Variants in GTF2IRD1 observed in about 807,000 individuals in gnomAD.
The protein encoded by GTF2IRD1 is GTF2I repeat domain containing 1.
In GTF2IRD1, 26 loss-of-function variants were observed where a neutral mutation model predicts 113.2. The ratio of observed to expected loss-of-function variants is 0.23; its 90% confidence interval spans 0.17 to 0.32. The LOEUF (loss-of-function observed/expected upper bound fraction) is 0.32, where lower values mean the gene tolerates loss of function less well. Ranked by LOEUF, GTF2IRD1 falls within the 10% of genes least tolerant of loss-of-function variation. The pLI, the probability that GTF2IRD1 is intolerant of heterozygous loss-of-function variation, is 1.00. For missense variants in GTF2IRD1, 864 were observed against 1,280.8 expected, an observed-to-expected ratio of 0.67 and a Z score of 4.97; for synonymous variants, 484 against 529.1, an observed-to-expected ratio of 0.91 and a Z score of 1.17.
chr7:74,572,129 G>A (rs1800731361), intron 22 of GTF2IRD1, among the ~76,000 whole-genome samples: 1 of 152,166 alleles, frequency 6.6e-6, no homozygotes, highest in Non-Finnish European at 1.5e-5. Flanking sequence ...GGGTGCTATG[G>A]TGGGATGGGC....
intron 22 of GTF2IRD1, among the ~76,000 whole-genome samples, chr7:74,568,733 C>G (rs1554361654): frequency 6.6e-6 from 1 of 152,172 alleles, no homozygotes; most frequent in African/African-American, 2.4e-5. Context: ...TCCTCTCTGC[C>G]TGCTCCTTCT....
chr7:74,515,350 G>T, intron 3 of GTF2IRD1, 91 bp from the exon 4 acceptor site: 1 of 1,536,786 alleles, frequency 6.5e-7, no homozygotes, highest in Non-Finnish European at 8.7e-7. Flanking sequence ...GCCAGTCTCC[G>T]CAGCTCAGCA....
chr7:74,488,699 G>C (rs554084058), intron 1 of GTF2IRD1, among the ~76,000 whole-genome samples: 1 of 152,156 alleles, frequency 6.6e-6, no homozygotes, highest in Admixed American at 6.5e-5. Context: ...GATCAAGATC[G>C]AGGCTGTAGT....
chr7:74,497,871 AT>A (rs1554338497), intron 1 of GTF2IRD1, among the ~76,000 whole-genome samples: 1 of 151,910 alleles, frequency 6.6e-6, no homozygotes, highest in Non-Finnish European at 1.5e-5. Flanking sequence ...TGCCCGGCTA[AT>A]TTTTGTAATT....
chr7:74,504,206 G>A (rs1554340367), intron 1 of GTF2IRD1, among the ~76,000 whole-genome samples: 1 of 152,084 alleles, frequency 6.6e-6, no homozygotes, highest in Non-Finnish European at 1.5e-5. Flanking sequence ...TGTGAATACT[G>A]CTGCTCTGAA....
Position 74,555,155 on chromosome 7 carries a change from C to G in GTF2IRD1, c.1917-19C>G. The G allele has an allele frequency of 6.2e-7, 1 of 1,612,204 alleles. No homozygotes were observed. Among genetic ancestry groups the G allele is most frequent in the South Asian group, 1.1e-5 (1 of 90,836 alleles). ...ATGCTTGGAGGGACCTCTGTGATAG[C>G]CTCGCTTGTGTTTTCCAGGCCCGAG... is the stretch of plus-strand genomic sequence containing the variant. On this transcript the variant is annotated intron_variant, in intron 17 of 26. Coordinates refer to ENST00000424337, the MANE Select transcript of GTF2IRD1 (RefSeq NM_005685.4). The surrounding 1 kb of genome is among the most constrained non-coding windows in gnomAD (Gnocchi z 5.3).
chr7:74,467,604 G>A (rs545504976), intron 1 of GTF2IRD1, among the ~76,000 whole-genome samples: 1 of 152,232 alleles, frequency 6.6e-6, no homozygotes, highest in East Asian at 1.9e-4. Flanking sequence ...AGGTTCAAGC[G>A]ATTTGCCTGC....
Position 74,546,978 on chromosome 7 carries a change from G to A in GTF2IRD1, c.1733-125G>A, listed in dbSNP as rs587699333. ...GGGGGGCCACTCTTTCCACATCCCA[G>A]GAAAGCTGGCAGGCCCTCAAAAGGG... On this transcript the variant is annotated intron_variant, in intron 16 of 26. Transcript: ENST00000424337. The A allele has an allele frequency of 1.5e-4, 123 of 822,336 alleles. No homozygotes were observed. In the East Asian group the frequency reaches 2.9e-3, roughly 20 times the overall value. The allele number at this position is 822,336 out of a possible 1,614,324, so 50.9% of individuals were successfully genotyped here.
At chr7:74,529,233 G>A (rs1797819111) in intron 8 of GTF2IRD1, among the ~76,000 whole-genome samples, 1 of 152,086 alleles carries the variant, frequency 6.6e-6, no homozygotes, top group African/African-American at 2.4e-5. Flanking sequence ...GTCACCAAAT[G>A]AGATGGGAGC....
intron 1 of GTF2IRD1, among the ~76,000 whole-genome samples, chr7:74,464,404 TC>T (rs1358309716): frequency 3.3e-5 from 5 of 150,726 alleles, no homozygotes; most frequent in African/African-American, 1.2e-4. Context: ...TGCGTGGGTG[TC>T]TTGAGAGATT....
intron 22 of GTF2IRD1, among the ~76,000 whole-genome samples, chr7:74,579,576 C>T (rs1310396317): frequency 2.6e-5 from 4 of 151,010 alleles, no homozygotes; most frequent in Admixed American, 2.0e-4. Flanking sequence ...CCAGATCACG[C>T]CACCGCACTC....
intron 1 of GTF2IRD1, among the ~76,000 whole-genome samples, chr7:74,484,770 T>G (rs1396940858): frequency 6.6e-6 from 1 of 152,208 alleles, no homozygotes; most frequent in African/African-American, 2.4e-5. Flanking sequence ...TCTTTCCTTT[T>G]TAAGGCTCAG....
At chr7:74,567,364 A>G (rs1367784145) in intron 22 of GTF2IRD1, among the ~76,000 whole-genome samples, 1 of 151,508 alleles carries the variant, frequency 6.6e-6, no homozygotes, top group Non-Finnish European at 1.5e-5. Context: ...AGAGAGGTGG[A>G]AAGTCCGCAG....
chr7:74,558,586 G>A (rs1233498449), intron 20 of GTF2IRD1, among the ~76,000 whole-genome samples: 3 of 151,860 alleles, frequency 2.0e-5, no homozygotes, highest in South Asian at 2.1e-4. Context: ...GGCTGATCTC[G>A]AACTCTTAGA....
chr7:74,590,046 G>A, intron 23 of GTF2IRD1, 118 bp downstream of exon 23: 1 of 650,202 alleles, frequency 1.5e-6, no homozygotes, highest in Non-Finnish European at 2.8e-6. Context: ...GCTCCCTGGT[G>A]ACATGGCTGC....
chr7:74,526,910 C>CA (rs1363639331), intron 8 of GTF2IRD1, among the ~76,000 whole-genome samples: 1 of 152,112 alleles, frequency 6.6e-6, no homozygotes. Flanking sequence ...AAGCCGCCAA[C>CA]GCAGACCTGG....
intron 22 of GTF2IRD1, among the ~76,000 whole-genome samples, chr7:74,569,607 G>A (rs587662197): frequency 3.9e-4 from 59 of 152,286 alleles, no homozygotes; most frequent in African/African-American, 1.3e-3. Context: ...TCAGATTTGC[G>A]CTGTCTTCAG....
chr7:74,596,431 G>C (rs1269533274), intron 25 of GTF2IRD1, among the ~76,000 whole-genome samples: 1 of 144,250 alleles, frequency 6.9e-6, no homozygotes, highest in Non-Finnish European at 1.5e-5. Context: ...CTGCACTCCA[G>C]CCTGGGCAAC....
chr7:74,498,742 T>A (rs1191131711), intron 1 of GTF2IRD1, among the ~76,000 whole-genome samples: 3 of 151,476 alleles, frequency 2.0e-5, no homozygotes, highest in African/African-American at 7.3e-5. Flanking sequence ...TTTTTTTTTT[T>A]AAATAAGATG....
Sources: gnomAD v4.1 joint callset for allele counts (sites outside exome capture counted in the v4.1 genomes callset) on GRCh38, gnomAD v4.1.1 for gene constraint, Gnocchi (gnomAD v3.1) non-coding constraint, MANE v1.5 for transcripts, NCBI Gene and HGNC (gene_info 2026-07-23, HGNC 2026-07-21) for gene names.